Variants in CAPG observed in about 807,000 individuals in gnomAD.
CAPG encodes the protein capping actin protein, gelsolin like, also known as macrophage-capping protein.
In CAPG, 32 loss-of-function variants were observed where a neutral mutation model predicts 44.6. That is an observed-to-expected ratio of 0.72 (90% confidence interval 0.54 to 0.96). CAPG has a LOEUF of 0.96. Ranked by LOEUF, CAPG falls within the 50% of genes least tolerant of loss-of-function variation. The pLI, the probability that CAPG is intolerant of heterozygous loss-of-function variation, is 0.00. For synonymous variants in CAPG, 175 were observed against 179.6 expected (o/e 0.97, Z 0.20); for missense variants, 412 against 438.3 (o/e 0.94, Z 0.54).
intron 1 of CAPG, among the ~76,000 whole-genome samples, chr2:85,404,000 G>A (rs1687029421): frequency 6.6e-6 from 1 of 151,924 alleles, no homozygotes; most frequent in African/African-American, 2.4e-5. Context: ...TGCAAGGTTG[G>A]TTTAATATCT....
At position 85,398,233 on chromosome 2, in the gene CAPG, C is replaced by T. The variant is rs183268800; in HGVS notation, c.760-81G>A. 1,075 of 1,507,226 alleles carry T rather than the reference C, an allele frequency of 7.1e-4. 11 individuals carry two copies. The African/African-American group carries it at 0.013, about 19-fold the overall frequency. The allele number at this position is 1,507,226 out of a possible 1,614,324, so 93.4% of individuals were successfully genotyped here. ...GCCTGAGGAGGGGGAGGCTGGTCCT[C>T]CCTAGGTCCCTCCCACTGTGCCTCG... On this transcript the variant is annotated intron_variant, in intron 7 of 9. Transcript: ENST00000263867.
downstream of CAPG, among the ~76,000 whole-genome samples, chr2:85,392,252 T>C (rs1189634900): frequency 1.3e-5 from 2 of 151,984 alleles, no homozygotes; most frequent in African/African-American, 2.4e-5. Flanking sequence ...TAGCCGGGCG[T>C]GGTGGCGGAT....
At chr2:85,392,491 C>T (rs1024690598), downstream of CAPG, among the ~76,000 whole-genome samples, 2 of 152,174 alleles carry the variant, frequency 1.3e-5, no homozygotes, top group Non-Finnish European at 2.9e-5. Context: ...TCCGGACCCC[C>T]TCAAGTGGAA....
intron 1 of CAPG, among the ~76,000 whole-genome samples, chr2:85,404,602 G>T (rs1224833851): frequency 1.3e-5 from 2 of 152,024 alleles, no homozygotes. Context: ...ACAAAAATTA[G>T]CTGGGCATGG....
chr2:85,401,419 G>C, intron 4 of CAPG, 90 bp from the exon 5 acceptor site: 1 of 1,576,390 alleles, frequency 6.3e-7, no homozygotes, highest in Non-Finnish European at 8.7e-7. Context: ...AGAAAGGTGG[G>C]GACCCGGCTC....
chr2:85,395,494 G>T lies in CAPG; in HGVS notation c.981+44C>A, dbSNP rs1284178274. 6.6e-6 allele frequency: 10 copies of T among 1,520,888 alleles called. No individual in the cohort carries two copies. In the East Asian group the frequency reaches 9.1e-5, roughly 14 times the overall value. 94.2% of individuals were successfully genotyped at this position (1,520,888 alleles called of 1,614,324 possible). On this transcript the variant is annotated intron_variant, in intron 9 of 9. Coordinates refer to ENST00000263867, the MANE Select transcript of CAPG (RefSeq NM_001747.4). This position sits in a 1 kb window ranked among gnomAD's most constrained non-coding sequence, Gnocchi z 4.3. ...CAATTTGAGGGGTCAGGGGCCACAG[G>T]AAGAGCCCTAGGAAGAGGGCTGTGG... is the stretch of plus-strand genomic sequence containing the variant.
upstream of CAPG, among the ~76,000 whole-genome samples, chr2:85,414,288 C>G (rs1687501636): frequency 6.6e-6 from 1 of 152,200 alleles, no homozygotes; most frequent in Non-Finnish European, 1.5e-5. Flanking sequence ...AGCTACTGTT[C>G]TGTGAGAGCC....
intron 1 of CAPG, among the ~76,000 whole-genome samples, chr2:85,403,515 T>A (rs1290092212): frequency 6.6e-6 from 1 of 152,234 alleles, no homozygotes; most frequent in Non-Finnish European, 1.5e-5. Flanking sequence ...AACATTCTCC[T>A]GATAACAAAA....
intron 1 of CAPG, among the ~76,000 whole-genome samples, chr2:85,416,017 G>A (rs906141110): frequency 6.6e-6 from 1 of 151,874 alleles, no homozygotes; most frequent in Non-Finnish European, 1.5e-5. Context: ...GTGCCCAGCC[G>A]GGAGGATCCG....
rs947584172 is a variant in CAPG, at chr2:85,395,172, C to T, written c.982-214G>A. 5.9e-5 allele frequency among the ~76,000 whole-genome samples: 9 copies of T among 152,084 alleles called. No homozygotes were observed. Among genetic ancestry groups the T allele is most frequent in the African/African-American group, 1.9e-4 (8 of 41,398 alleles). On this transcript the variant is annotated intron_variant, in intron 9 of 9. Transcript: ENST00000263867. The surrounding 1 kb of genome is among the most constrained non-coding windows in gnomAD (Gnocchi z 4.3). ...CAGAGGCAACAGACTGCTTCAAGGG[C>T]GTGGGTGCACAGTTTAATAAATGCC...
Position 85,394,856 on chromosome 2 carries a change from G to A in CAPG, c.*37C>T, listed in dbSNP as rs1358397378. On this transcript the variant is annotated 3_prime_UTR_variant, in exon 10 of 10. Coordinates refer to ENST00000263867, the MANE Select transcript of CAPG (RefSeq NM_001747.4). Reference sequence around the variant, plus strand: ...CAGAGAAGCAAGCAGGCAGGTGGTGGGGGGCAGGGGAGCATGGGGCAGGAA... The same window carrying A: ...CAGAGAAGCAAGCAGGCAGGTGGTGAGGGGCAGGGGAGCATGGGGCAGGAA... 3 of 1,505,812 alleles carry A rather than the reference G, an allele frequency of 2.0e-6. No homozygotes were observed. Among genetic ancestry groups the A allele is most frequent in the African/African-American group, 2.8e-5 (2 of 72,670 alleles). 93.3% of individuals were successfully genotyped at this position (1,505,812 alleles called of 1,614,324 possible).
At chr2:85,412,963 C>T (rs927742579), upstream of CAPG, among the ~76,000 whole-genome samples, 3 of 152,216 alleles carry the variant, frequency 2.0e-5, no homozygotes, top group Non-Finnish European at 4.4e-5. Flanking sequence ...AGACTTCTTT[C>T]TCTTCCCTTT....
At position 85,395,715 on chromosome 2, in the gene CAPG, C is replaced by T. The variant is rs775708392; in HGVS notation, c.893-89G>A. On this transcript the variant is annotated intron_variant, in intron 8 of 9. Transcript: ENST00000263867. The surrounding 1 kb of genome is among the most constrained non-coding windows in gnomAD (Gnocchi z 4.3). ...TCTTGAGGAAATTTAAGGGAGTCCA[C>T]AGAAGAGCCAGCAATTTTTACAATA... 1.2e-5 allele frequency: 10 copies of T among 859,092 alleles called. No homozygotes were observed. Among genetic ancestry groups the T allele is most frequent in the Non-Finnish European group, 1.9e-5 (10 of 534,396 alleles). The allele number at this position is 859,092 out of a possible 1,614,324, so 53.2% of individuals were successfully genotyped here.
Position 85,401,877 on chromosome 2 carries a change from G to A in CAPG, c.104C>T (p.Ala35Val), listed in dbSNP as rs142150224. 7.1e-5 allele frequency: 115 copies of A among 1,613,898 alleles called. No homozygotes were observed. Among genetic ancestry groups the A allele is most frequent in the Middle Eastern group, 3.3e-4 (2 of 6,060 alleles). Reference sequence around the variant, plus strand: ...GAAGAAGACGCCCTGGTTCTCTTGCGCCACAGGCACCGGCTTCAGCTTCTC... The same window carrying A: ...GAAGAAGACGCCCTGGTTCTCTTGCACCACAGGCACCGGCTTCAGCTTCTC... ...RVEKLKPVPV[A>V]QENQGVFFSG... Residue 35 changes from alanine to valine, a missense_variant, in exon 3 of 10, where the codon GCG (alanine) becomes GTG (valine). Coordinates refer to ENST00000263867, the MANE Select transcript of CAPG (RefSeq NM_001747.4).
chr2:85,394,976 G>C lies in CAPG; in HGVS notation c.982-18C>G, dbSNP rs771750063. ...ATCTCCACCTGCAGGGACAGCGGGG[G>C]AGAAGTCTGGTTCACAAAGTTGCCA... On this transcript the variant is annotated intron_variant, in intron 9 of 9. Coordinates refer to ENST00000263867, the MANE Select transcript of CAPG (RefSeq NM_001747.4). 2 of 1,591,126 alleles carry C rather than the reference G, an allele frequency of 1.3e-6. No individual in the cohort carries two copies. Among genetic ancestry groups the C allele is most frequent in the Admixed American group, 1.7e-5 (1 of 59,956 alleles).
intron 5 of CAPG, among the ~76,000 whole-genome samples, chr2:85,399,984 G>A (rs1207622525): frequency 1.1e-4 from 17 of 152,010 alleles, no homozygotes. Flanking sequence ...CAGGTGATCT[G>A]CCCACCTCGG....
chr2:85,405,288 C>T (rs1042599445), intron 1 of CAPG, among the ~76,000 whole-genome samples: 1 of 152,188 alleles, frequency 6.6e-6, no homozygotes, highest in Non-Finnish European at 1.5e-5. Context: ...CACTCACTGT[C>T]GCTTTCATAG....
intron 6 of CAPG, 88 bp downstream of exon 6, chr2:85,399,048 C>T (rs569830696): frequency 2.2e-5 from 32 of 1,450,654 alleles, no homozygotes; most frequent in African/African-American, 2.8e-5. Flanking sequence ...CACCCTCCAC[C>T]GGCCACTCTC....
rs756006551 is a variant in CAPG at position 85,401,668 on chromosome 2, C to T, written c.212G>A (p.Arg71Gln). ...CACGGCACAGGCCCCCTGCTCATCC[C>T]GGGATGACTGCTGGCCTGGGACAAG... ...LHLWIGQQSS[R>Q]DEQGACAVLA... Residue 71 changes from arginine (R) to glutamine (Q), a missense_variant, in exon 4 of 10, where the codon CGG becomes CAG. Physicochemically the swap from Arg to Gln is conservative, Grantham distance 43. Transcript: ENST00000263867. 9 of 1,614,066 alleles carry T rather than the reference C, an allele frequency of 5.6e-6. No individual in the cohort carries two copies. The highest frequency in any genetic ancestry group is 5.3e-5 in the African/African-American group (4 of 74,946).
Sources: gnomAD v4.1 joint callset for allele counts (sites outside exome capture counted in the v4.1 genomes callset) on GRCh38, gnomAD v4.1.1 for gene constraint, Gnocchi (gnomAD v3.1) non-coding constraint, MANE v1.5 for transcripts, NCBI Gene and HGNC (gene_info 2026-07-23, HGNC 2026-07-21) for gene names.